CTXND1: variants seen among roughly 807,000 people sequenced by gnomAD.
CTXND1 encodes cortexin domain containing 1, also known as cortexin domain-containing 1 protein.
rs1014189200 is a variant in CTXND1 at position 80,211,475 on chromosome 15, C to T, written c.-217-7735G>A. On this transcript the variant is annotated intron_variant, in intron 1 of 2. Transcript: ENST00000560778. The stretch of plus-strand genomic sequence containing the variant: ...GATGTTCAGTGTCCTAACCCCTCAC[C>T]AATCACATCGTTCTGTGGGACTGCA... Among the ~76,000 whole-genome samples the T allele has an allele frequency of 2.8e-4, 43 of 152,148 alleles. 1 individual carries two copies. The highest frequency in any genetic ancestry group is 2.7e-3 in the Admixed American group (41 of 15,260).
chr15:80,210,610 C>T (rs1893194413), intron 1 of CTXND1, among the ~76,000 whole-genome samples: 1 of 152,210 alleles, frequency 6.6e-6, no homozygotes, highest in African/African-American at 2.4e-5. Context: ...TTTGGAGGAT[C>T]TATGAAAGGC....
chr15:80,246,494 G>A (rs1459004284), intron 1 of CTXND1, among the ~76,000 whole-genome samples: 3 of 152,336 alleles, frequency 2.0e-5, no homozygotes, highest in African/African-American at 4.8e-5. Context: ...GCTGACAGCC[G>A]ACTGCGTCAT....
intron 1 of CTXND1, among the ~76,000 whole-genome samples, chr15:80,206,571 C>A (rs938222859): frequency 6.6e-6 from 1 of 151,958 alleles, no homozygotes. Flanking sequence ...GATTCTTACT[C>A]TTATTTTCTC....
At chr15:80,232,147 C>T (rs1028550755) in intron 1 of CTXND1, among the ~76,000 whole-genome samples, 1 of 152,086 alleles carries the variant, frequency 6.6e-6, no homozygotes, top group African/African-American at 2.4e-5. Context: ...ATGCTGGCGA[C>T]GTGCAACTGA....
intron 1 of CTXND1, among the ~76,000 whole-genome samples, chr15:80,236,780 C>CAAAA: frequency 2.4e-5 from 2 of 83,296 alleles, no homozygotes; most frequent in Admixed American, 1.2e-4. Flanking sequence ...AGGACTCGGT[C>CAAAA]TAAAAAAAAA....
intron 1 of CTXND1, among the ~76,000 whole-genome samples, chr15:80,244,366 T>C (rs575278520): frequency 6.6e-6 from 1 of 152,332 alleles, no homozygotes; most frequent in Admixed American, 6.5e-5. Flanking sequence ...GATCCTTACA[T>C]TATTCTTGAA....
chr15:80,228,944 T>TG (rs1567132786), intron 1 of CTXND1, among the ~76,000 whole-genome samples: 1 of 151,496 alleles, frequency 6.6e-6, no homozygotes, highest in Non-Finnish European at 1.5e-5. Flanking sequence ...CTGAAACTTT[T>TG]TTGAGTACTG....
At chr15:80,237,230 G>A (rs1893510413) in intron 1 of CTXND1, among the ~76,000 whole-genome samples, 1 of 151,676 alleles carries the variant, frequency 6.6e-6, no homozygotes, top group Non-Finnish European at 1.5e-5. Flanking sequence ...AGCTACTTGG[G>A]AGGCTGAGGC....
rs2041419378 is a variant in CTXND1 at position 80,196,187 on chromosome 15, G to A, written c.*5583C>T. ...CAAGCTCCCCAGAGATGCCAATGCTGTCCATCCGTGGACCATAGTTTGAGT... is the reference window on the plus strand; with the variant it reads ...CAAGCTCCCCAGAGATGCCAATGCTATCCATCCGTGGACCATAGTTTGAGT... On this transcript the variant is annotated 3_prime_UTR_variant, in exon 3 of 3. Coordinates refer to ENST00000560778, the MANE Select transcript of CTXND1 (RefSeq NM_001352888.2). The A allele has an allele frequency of 1.3e-5, 2 of 152,192 alleles. No homozygotes were observed. The highest frequency in any genetic ancestry group is 4.1e-4 in the South Asian group (2 of 4,834). The allele number at this position is 152,192 out of a possible 1,614,324, so 9.4% of individuals were successfully genotyped here. A position where few individuals can be genotyped will look rare whatever the true frequency, so the allele number is the denominator to read the frequency against.
chr15:80,216,742 G>A (rs1893258462), intron 1 of CTXND1, among the ~76,000 whole-genome samples: 1 of 152,170 alleles, frequency 6.6e-6, no homozygotes, highest in Non-Finnish European at 1.5e-5. Flanking sequence ...AGCCTCCTGA[G>A]TAGCTGGGAC....
At chr15:80,220,130 CTATCTATCTATCTATCATCT>C (rs750462733) in intron 1 of CTXND1, among the ~76,000 whole-genome samples, 353 of 112,484 alleles carry the variant, frequency 3.1e-3, no homozygotes, top group Non-Finnish European at 4.7e-3. Context: ...ATCTATCTAT[CTATCTATCTATCTATCATCT>C]ATCTATCTAT....
intron 1 of CTXND1, among the ~76,000 whole-genome samples, chr15:80,209,337 C>T (rs903418181): frequency 2.0e-5 from 3 of 152,212 alleles, no homozygotes. Context: ...CAACACTGAA[C>T]TCAGCTGTGG....
At chr15:80,213,968 G>GA (rs1893226778) in intron 1 of CTXND1, among the ~76,000 whole-genome samples, 1 of 64,160 alleles carries the variant, frequency 1.6e-5, no homozygotes, top group Non-Finnish European at 3.1e-5. Flanking sequence ...AATGAAGGGA[G>GA]GAAAGGCATA....
intron 1 of CTXND1, among the ~76,000 whole-genome samples, chr15:80,241,564 G>T (rs1332401278): frequency 6.6e-6 from 1 of 152,182 alleles, no homozygotes; most frequent in Non-Finnish European, 1.5e-5. Flanking sequence ...TGCCATGAGG[G>T]CAGGGGCCCC....
chr15:80,231,300 G>A (rs1567133197), intron 1 of CTXND1, among the ~76,000 whole-genome samples: 1 of 151,212 alleles, frequency 6.6e-6, no homozygotes, highest in African/African-American at 2.4e-5. Context: ...CCAAATCTAA[G>A]CTAGGAGAAG....
At chr15:80,214,591 T>G (rs1418479336) in intron 1 of CTXND1, among the ~76,000 whole-genome samples, 1 of 152,162 alleles carries the variant, frequency 6.6e-6, no homozygotes, top group Non-Finnish European at 1.5e-5. Flanking sequence ...ATTACTATAA[T>G]AAGAATACTT....
At chr15:80,220,216 C>A (rs1251571747) in intron 1 of CTXND1, among the ~76,000 whole-genome samples, 1 of 151,530 alleles carries the variant, frequency 6.6e-6, no homozygotes, top group African/African-American at 2.4e-5. Flanking sequence ...TTGTTTTTCA[C>A]ATTTAGGTTT....
chr15:80,215,073 T>G (rs1256208974), intron 1 of CTXND1, among the ~76,000 whole-genome samples: 1 of 152,110 alleles, frequency 6.6e-6, no homozygotes, highest in Admixed American at 6.5e-5. Flanking sequence ...TGGCTCAAAA[T>G]GAAATAGAAA....
At chr15:80,218,354 G>T (rs1276010661) in intron 1 of CTXND1, among the ~76,000 whole-genome samples, 3 of 152,074 alleles carry the variant, frequency 2.0e-5, no homozygotes, top group Non-Finnish European at 4.4e-5. Context: ...TGCCTAGGCT[G>T]GTCTCAAACT....
Sources: allele counts gnomAD v4.1 joint callset (sites outside exome capture counted in the v4.1 genomes callset), GRCh38; gene constraint gnomAD v4.1.1; transcripts MANE v1.5; gene names NCBI Gene and HGNC (gene_info 2026-07-23, HGNC 2026-07-21).